Variants in PTPRE observed in about 807,000 individuals in gnomAD.
PTPRE encodes the protein receptor-type tyrosine-protein phosphatase epsilon.
In PTPRE, 51 loss-of-function variants were observed where a neutral mutation model predicts 102.0. That is an observed-to-expected ratio of 0.50 (90% CI 0.40 to 0.63). The LOEUF is 0.63. PTPRE is among the 30% of genes least tolerant of loss of function. PTPRE has a pLI of 0.00. For synonymous variants in PTPRE, 345 were observed against 348.2 expected, an observed-to-expected ratio of 0.99 and a Z score of 0.10; for missense variants, 752 against 915.1, an observed-to-expected ratio of 0.82 and a Z score of 2.30.
intron 1 of PTPRE, among the ~76,000 whole-genome samples, chr10:127,908,485 G>T (rs530828617): frequency 6.6e-6 from 1 of 152,242 alleles, no homozygotes; most frequent in African/African-American, 2.4e-5. Context: ...CTGGGATAAT[G>T]GCCAGAGGAG....
intron 6 of PTPRE, among the ~76,000 whole-genome samples, chr10:128,051,131 C>T (rs1208768777): frequency 6.6e-6 from 1 of 152,170 alleles, no homozygotes; most frequent in East Asian, 1.9e-4. Context: ...TAGCAGATCC[C>T]CTCCCCCACC....
chr10:128,041,599 G>C (rs1350946037), intron 3 of PTPRE, among the ~76,000 whole-genome samples: 1 of 131,958 alleles, frequency 7.6e-6, no homozygotes, highest in African/African-American at 2.9e-5. Flanking sequence ...AGTGAGCTGA[G>C]ATTGTGCCAC....
chr10:128,082,195 C>CTCTCTTTTTTTTTTT (rs1554951767), intron 20 of PTPRE, among the ~76,000 whole-genome samples: 6 of 89,034 alleles, frequency 6.7e-5, no homozygotes, highest in African/African-American at 1.4e-4. Context: ...TTTTCTCTTT[C>CTCTCTTTTTTTTTTT]TTTTTTTTTT....
chr10:127,914,617 C>A (rs1196088433), intron 1 of PTPRE, among the ~76,000 whole-genome samples: 1 of 152,202 alleles, frequency 6.6e-6, no homozygotes, highest in Admixed American at 6.5e-5. Flanking sequence ...TCCAGAGAGA[C>A]CTGCTAGTGA....
At chr10:127,936,070 C>G (rs1311002839) in intron 1 of PTPRE, 1 of 152,224 alleles carries the variant, frequency 6.6e-6, no homozygotes, top group Non-Finnish European at 1.5e-5. Context: ...AAAACCGTCT[C>G]TGCGTCTCCA....
At position 128,073,449 on chromosome 10, in the gene PTPRE, C is replaced by T. The variant is rs371426050; in HGVS notation, c.1577C>T (p.Thr526Met). The part of the protein sequence containing the change: ...EWKSHTIVML[T>M]EVQEREQDKC... Reference sequence around the variant, plus strand: ...AAATCCCACACTATCGTGATGCTGACGGAGGTGCAGGAGAGAGAGCAGGTG... The same window carrying T: ...AAATCCCACACTATCGTGATGCTGATGGAGGTGCAGGAGAGAGAGCAGGTG... Residue 526 changes from threonine (T) to methionine (M), a missense_variant, in exon 17 of 21, where the codon ACG becomes ATG. By Grantham distance (81) the Thr-to-Met change is moderately conservative. Coordinates refer to ENST00000254667, the MANE Select transcript of PTPRE (RefSeq NM_006504.6). The T allele has an allele frequency of 2.8e-5, 45 of 1,613,928 alleles. No individual in the cohort carries two copies. The highest frequency in any genetic ancestry group is 1.0e-5 in the Non-Finnish European group (12 of 1,179,956).
intron 1 of PTPRE, among the ~76,000 whole-genome samples, chr10:127,943,453 C>T (rs1848394228): frequency 6.6e-6 from 1 of 152,138 alleles, no homozygotes. Context: ...TCTGTGCATG[C>T]GAGAACTTTC....
intron 10 of PTPRE, among the ~76,000 whole-genome samples, chr10:128,065,479 G>A (rs1359856949): frequency 6.6e-6 from 1 of 152,158 alleles, no homozygotes; most frequent in African/African-American, 2.4e-5. Context: ...TCAGAGGTCG[G>A]GAAGGTAAAG....
intron 1 of PTPRE, among the ~76,000 whole-genome samples, chr10:127,945,240 C>A (rs1383584168): frequency 1.3e-5 from 2 of 152,140 alleles, no homozygotes; most frequent in Non-Finnish European, 2.9e-5. Flanking sequence ...TCATTCCCTG[C>A]TTAGTTGTGC....
At chr10:127,933,123 T>C (rs891794124) in intron 1 of PTPRE, among the ~76,000 whole-genome samples, 9 of 152,188 alleles carry the variant, frequency 5.9e-5, no homozygotes, top group Non-Finnish European at 1.2e-4. Context: ...ATCTCCCTAC[T>C]TACAGTCAGC....
chr10:128,058,557 C>T (rs149669680), intron 7 of PTPRE, among the ~76,000 whole-genome samples: 2,274 of 152,292 alleles, frequency 0.015, 59 homozygotes, highest in African/African-American at 0.051. Flanking sequence ...GGCATGGAGA[C>T]GCTGTGGCCT....
chr10:128,042,586 G>A (rs184874019), intron 3 of PTPRE, among the ~76,000 whole-genome samples: 20 of 152,256 alleles, frequency 1.3e-4, no homozygotes, highest in African/African-American at 3.6e-4. Flanking sequence ...AGGCGCAGAC[G>A]GGCTCGTTTG....
chr10:128,014,582 A>C (rs1214648551), intron 2 of PTPRE, among the ~76,000 whole-genome samples: 1 of 152,198 alleles, frequency 6.6e-6, no homozygotes, highest in Non-Finnish European at 1.5e-5. Context: ...ATATTAAGGA[A>C]GACTGAACCA....
intron 1 of PTPRE, among the ~76,000 whole-genome samples, chr10:127,981,820 CA>C (rs71949953): frequency 0.38 from 51,447 of 136,498 alleles, 9,209 homozygotes; most frequent in African/African-American, 0.51. Flanking sequence ...CACTCCGTCT[CA>C]AAAAAAAAAA....
At chr10:128,024,449 G>C (rs1449221427) in intron 2 of PTPRE, among the ~76,000 whole-genome samples, 3 of 152,216 alleles carry the variant, frequency 2.0e-5, no homozygotes, top group Admixed American at 6.5e-5. Context: ...CTGTGGGTCT[G>C]TCATCTTTAT....
chr10:128,036,002 C>T (rs1223728096), intron 2 of PTPRE, among the ~76,000 whole-genome samples: 2 of 152,130 alleles, frequency 1.3e-5, no homozygotes, highest in Admixed American at 6.5e-5. Flanking sequence ...CATCTCAGGT[C>T]GCTCAACCTC....
intron 2 of PTPRE, among the ~76,000 whole-genome samples, chr10:128,022,859 C>A (rs991253435): frequency 2.6e-5 from 4 of 152,202 alleles, no homozygotes; most frequent in Non-Finnish European, 4.4e-5. Flanking sequence ...AAAGAAACCG[C>A]CATCGCTGCT....
intron 1 of PTPRE, among the ~76,000 whole-genome samples, chr10:127,911,602 C>G (rs2135130170): frequency 6.6e-6 from 1 of 152,318 alleles, no homozygotes; most frequent in East Asian, 1.9e-4. Context: ...TCTCTGGGCC[C>G]CTCACAGCTG....
Position 128,077,690 on chromosome 10 carries a change from T to C in PTPRE, c.1799T>C (p.Ile600Thr), listed in dbSNP as rs1851337084. ...TTCCACGGCTGGCCTGAGATCGGGA[T>C]TCCCGCCGAGGGCAAAGGCATGATT... The part of the protein sequence containing the change: ...FHFHGWPEIG[I>T]PAEGKGMIDL... The change falls in exon 19 of 21, where the codon ATT becomes ACT. Residue 600 changes from isoleucine to threonine, a missense_variant. Physicochemically the swap from Ile to Thr is moderately conservative, Grantham distance 89 (BLOSUM62 -1). Transcript: ENST00000254667. 6.2e-7 allele frequency: 1 copy of C among 1,613,866 alleles called. No individual in the cohort carries two copies. The highest frequency in any genetic ancestry group is 2.2e-5 in the East Asian group (1 of 44,844).
Sources: allele counts gnomAD v4.1 joint callset (sites outside exome capture counted in the v4.1 genomes callset), GRCh38; gene constraint gnomAD v4.1.1; transcripts MANE v1.5; gene names NCBI Gene and HGNC (gene_info 2026-07-23, HGNC 2026-07-21).